Variants in DYNC1H1 observed in about 807,000 individuals in gnomAD.
The protein encoded by DYNC1H1 is dynein cytoplasmic 1 heavy chain 1, also known as cytoplasmic dynein 1 heavy chain 1.
Under a neutral mutation model 527.1 loss-of-function variants are expected in DYNC1H1, and 51 were observed. That is an observed-to-expected ratio of 0.10 (90% CI 0.08 to 0.12). The LOEUF is 0.12. DYNC1H1 is among the 10% of genes least tolerant of loss of function. The pLI is 1.00. For missense variants in DYNC1H1, 2,771 were observed against 5,971.8 expected (o/e 0.46, Z 17.66); for synonymous variants, 2,189 against 2,278.8 (o/e 0.96, Z 1.12).
Position 101,988,668 on chromosome 14 carries a change from A to G in DYNC1H1, c.2719-35A>G. 3 of 1,613,976 alleles carry G rather than the reference A, an allele frequency of 1.9e-6. No homozygotes were observed. In the South Asian group the frequency reaches 3.3e-5, roughly 18 times the overall value. On this transcript the variant is annotated intron_variant, in intron 9 of 77. Coordinates refer to ENST00000360184, the MANE Select transcript of DYNC1H1 (RefSeq NM_001376.5). ...CTTGCTTTGTGAGCTAACTTTTAGAAGAAACACTGTTCTCTGATATAACGT... is the reference window on the plus strand; with the variant it reads ...CTTGCTTTGTGAGCTAACTTTTAGAGGAAACACTGTTCTCTGATATAACGT...
chr14:101,970,310 T>C (rs1318861561), intron 1 of DYNC1H1, among the ~76,000 whole-genome samples: 2 of 151,654 alleles, frequency 1.3e-5, no homozygotes, highest in Non-Finnish European at 2.9e-5. Flanking sequence ...AAAGAAGTCA[T>C]GGCCCCTCAG....
At chr14:101,973,390 CTT>C (rs2047761964) in intron 1 of DYNC1H1, among the ~76,000 whole-genome samples, 1 of 152,016 alleles carries the variant, frequency 6.6e-6, no homozygotes. Flanking sequence ...GAACTCCTGA[CTT>C]GAAGTGATCT....
At chr14:101,996,079 T>C (rs1361653684) in intron 15 of DYNC1H1, among the ~76,000 whole-genome samples, 1 of 151,538 alleles carries the variant, frequency 6.6e-6, no homozygotes, top group East Asian at 1.9e-4. Flanking sequence ...ACTAAATAAA[T>C]AATGAAAAAC....
chr14:102,032,675 C>T, intron 52 of DYNC1H1: 1 of 654,236 alleles, frequency 1.5e-6, no homozygotes, highest in South Asian at 1.8e-5. Flanking sequence ...TACATGGCGA[C>T]ACCCTGTCTC....
rs1442792138 is a variant in DYNC1H1, at chr14:102,015,204, G to A, written c.7114G>A (p.Asp2372Asn). The change falls in exon 35 of 78, where the codon GAC becomes AAC. Residue 2372 changes from aspartate to asparagine, a missense_variant. Physicochemically the swap from Asp to Asn is conservative, Grantham distance 23. This residue lies in a region of DYNC1H1 where 122 missense variants were observed against 168.4 expected (regional missense o/e 0.72). Transcript: ENST00000360184. The surrounding 1 kb of genome is among the most constrained non-coding windows in gnomAD (Gnocchi z 6.9). ...VWFSEDVLST[D>N]MIFNNFLARL... Reference sequence around the variant, plus strand: ...GTTCAGTGAGGATGTGCTGAGCACCGACATGATCTTCAACAACTTCCTGGC... The same window carrying A: ...GTTCAGTGAGGATGTGCTGAGCACCAACATGATCTTCAACAACTTCCTGGC... The A allele has an allele frequency of 6.2e-7, 1 of 1,614,206 alleles. No individual in the cohort carries two copies. Among genetic ancestry groups the A allele is most frequent in the Non-Finnish European group, 8.5e-7 (1 of 1,180,042 alleles).
rs17512439 is a variant in DYNC1H1 at position 102,015,227 on chromosome 14, G to A, written c.7137G>A (p.Leu2379=). ...CCGACATGATCTTCAACAACTTCCT[G>A]GCCAGGCTGCGCAGCATCCCGCTGG... ...LSTDMIFNNF[L]ARLRSIPLDE... The change falls in exon 35 of 78, where the codon CTG becomes CTA. Residue 2379 remains leucine, a synonymous_variant. Transcript: ENST00000360184. The surrounding 1 kb of genome is among the most constrained non-coding windows in gnomAD (Gnocchi z 6.9). The A allele has an allele frequency of 1.6e-3, 2,575 of 1,614,210 alleles. 43 individuals are homozygous for A. The African/African-American group carries it at 0.03, about 19-fold the overall frequency.
In DYNC1H1 at chr14:102,011,027, G is replaced by A. The variant is rs372965241; in HGVS notation, c.6618+75G>A. 1 of 1,512,712 alleles carries A rather than the reference G, an allele frequency of 6.6e-7. No homozygotes were observed. Among genetic ancestry groups the A allele is most frequent in the East Asian group, 2.3e-5 (1 of 44,388 alleles). The allele number at this position is 1,512,712 out of a possible 1,614,324, so 93.7% of individuals were successfully genotyped here. A position where few individuals can be genotyped will look rare whatever the true frequency, so the allele number is the denominator to read the frequency against. ...TTAGTGTCTGGTAATGACAACCGTG[G>A]GCCCTTCGATGAAACTGTCCACAAA... On this transcript the variant is annotated intron_variant, in intron 32 of 77. Coordinates refer to ENST00000360184, the MANE Select transcript of DYNC1H1 (RefSeq NM_001376.5). This position sits in a 1 kb window ranked among gnomAD's most constrained non-coding sequence, Gnocchi z 5.3.
chr14:102,009,468 C>T, intron 29 of DYNC1H1: 3 of 267,384 alleles, frequency 1.1e-5, no homozygotes, highest in South Asian at 8.4e-5. Flanking sequence ...CAGGTAATTC[C>T]CATGATGTAA....
chr14:102,041,519 G>C lies in DYNC1H1; in HGVS notation c.11942-55G>C. ...GGGAAGAACAGTCCAGGCAGGGGAG[G>C]GCGTCTCTGAGTCCATGCTTCCACC... On this transcript the variant is annotated intron_variant, in intron 64 of 77. Transcript: ENST00000360184. The surrounding 1 kb of genome is among the most constrained non-coding windows in gnomAD (Gnocchi z 4.5). 6.2e-7 allele frequency: 1 copy of C among 1,611,676 alleles called. No individual in the cohort carries two copies. Among genetic ancestry groups the C allele is most frequent in the Non-Finnish European group, 8.5e-7 (1 of 1,179,518 alleles).
rs2048304811 is a variant in DYNC1H1, at chr14:102,015,085, G to C, written c.7015-20G>C. ...CTTCCAAACCTATGTCATTAAATCT[G>C]CTTAATGTTTTCTTTCAAGGTGAGA... On this transcript the variant is annotated intron_variant, in intron 34 of 77. Coordinates refer to ENST00000360184, the MANE Select transcript of DYNC1H1 (RefSeq NM_001376.5). The surrounding 1 kb of genome is among the most constrained non-coding windows in gnomAD (Gnocchi z 6.9). The C allele has an allele frequency of 1.2e-6, 2 of 1,612,844 alleles. No individual in the cohort carries two copies. Among genetic ancestry groups the C allele is most frequent in the East Asian group, 4.5e-5 (2 of 44,880 alleles).
In DYNC1H1 at chr14:102,019,772, C is replaced by G. The variant is rs1846510833; in HGVS notation, c.8344-121C>G. The G allele has an allele frequency of 2.3e-6, 3 of 1,305,620 alleles. No homozygotes were observed. In the African/African-American group the frequency reaches 4.4e-5, roughly 19 times the overall value. 80.9% of individuals were successfully genotyped at this position (1,305,620 alleles called of 1,614,324 possible). On this transcript the variant is annotated intron_variant, in intron 41 of 77. Transcript: ENST00000360184. ...ACCCACCACCATGTCCAGCTATCTT[C>G]TTAAATATTTCAGGGTCTAGGTTCT...
In DYNC1H1 at chr14:102,050,843, G is replaced by C. The variant is rs2048799967; in HGVS notation, c.*280G>C. 1 of 431,708 alleles carries C rather than the reference G, an allele frequency of 2.3e-6. No individual in the cohort carries two copies. Among genetic ancestry groups the C allele is most frequent in the South Asian group, 2.1e-5 (1 of 47,728 alleles). The allele number at this position is 431,708 out of a possible 1,614,324, so 26.7% of individuals were successfully genotyped here. A position where few individuals can be genotyped will look rare whatever the true frequency, so the allele number is the denominator to read the frequency against. On this transcript the variant is annotated 3_prime_UTR_variant, in exon 78 of 78. Coordinates refer to ENST00000360184, the MANE Select transcript of DYNC1H1 (RefSeq NM_001376.5). ...CTTTCATCCCAGGGCACAGAGCCTT[G>C]CCTTCCATGCTGCCCAGGGAGGGCA...
chr14:102,042,147 A>G lies in DYNC1H1; in HGVS notation c.12214+23A>G. On this transcript the variant is annotated intron_variant, in intron 66 of 77. Coordinates refer to ENST00000360184, the MANE Select transcript of DYNC1H1 (RefSeq NM_001376.5). The surrounding 1 kb of genome is among the most constrained non-coding windows in gnomAD (Gnocchi z 5.7). Reference sequence around the variant, plus strand: ...TCGGTAAGGATGCTTGAGGGGCTTCATGGGCTGGAGCCCTGCAGGATTTGT... The same window carrying G: ...TCGGTAAGGATGCTTGAGGGGCTTCGTGGGCTGGAGCCCTGCAGGATTTGT... 6.2e-7 allele frequency: 1 copy of G among 1,614,048 alleles called. No homozygotes were observed. The highest frequency in any genetic ancestry group is 1.1e-5 in the South Asian group (1 of 91,074).
intron 4 of DYNC1H1, 77 bp from the exon 5 acceptor site, chr14:101,980,287 G>A: frequency 6.6e-7 from 1 of 1,525,716 alleles, no homozygotes; most frequent in Non-Finnish European, 9.1e-7. Context: ...GAGTTGTAAT[G>A]CATGTGTTTT....
At position 101,997,379 on chromosome 14, in the gene DYNC1H1, A is replaced by G. The variant is rs376121457; in HGVS notation, c.3804+105A>G. 65 of 1,564,712 alleles carry G rather than the reference A, an allele frequency of 4.2e-5. No homozygotes were observed. In the African/African-American group the frequency reaches 5.4e-4, roughly 13 times the overall value. On this transcript the variant is annotated intron_variant, in intron 16 of 77. Transcript: ENST00000360184. This position sits in a 1 kb window ranked among gnomAD's most constrained non-coding sequence, Gnocchi z 4.8. ...CCTTGCTGTGACTGAGCTTTCTAGT[A>G]TTGAAGACTCTTTTCCTTTTTGTAG...
At position 102,015,064 on chromosome 14, in the gene DYNC1H1, C is replaced by T; in HGVS notation, c.7015-41C>T. The T allele has an allele frequency of 6.2e-7, 1 of 1,604,352 alleles. No individual in the cohort carries two copies. The highest frequency in any genetic ancestry group is 1.1e-5 in the South Asian group (1 of 90,718). ...AGAATCTTAATGTCCAGGTTTCTTC[C>T]AAACCTATGTCATTAAATCTGCTTA... On this transcript the variant is annotated intron_variant, in intron 34 of 77. Transcript: ENST00000360184. The surrounding 1 kb of genome is among the most constrained non-coding windows in gnomAD (Gnocchi z 6.9).
At chr14:101,981,429 A>G (rs1266953440) in intron 5 of DYNC1H1, among the ~76,000 whole-genome samples, 1 of 152,214 alleles carries the variant, frequency 6.6e-6, no homozygotes, top group African/African-American at 2.4e-5. Context: ...AGTCATTATT[A>G]CAATTATTTT....
rs1472090216 is a variant in DYNC1H1, at chr14:101,985,097, T to C, written c.1462-590T>C. 6.6e-6 allele frequency among the ~76,000 whole-genome samples: 1 copy of C among 151,994 alleles called. No individual in the cohort carries two copies. The highest frequency in any genetic ancestry group is 1.5e-5 in the Non-Finnish European group (1 of 67,996). Reference sequence around the variant, plus strand: ...AAATCTTTAGTGTTTTCCATCCATTTATCCCTTCCTCCATCTTGGAAGGAC... The same window carrying C: ...AAATCTTTAGTGTTTTCCATCCATTCATCCCTTCCTCCATCTTGGAAGGAC... On this transcript the variant is annotated intron_variant, in intron 7 of 77. Transcript: ENST00000360184. The surrounding 1 kb of genome is among the most constrained non-coding windows in gnomAD (Gnocchi z 5.9).
chr14:102,048,268 C>T, intron 73 of DYNC1H1: 1 of 711,062 alleles, frequency 1.4e-6, no homozygotes, highest in Non-Finnish European at 2.3e-6. Flanking sequence ...CCACAGCGAG[C>T]AGCCGCAGCC....
Sources: allele counts gnomAD v4.1 joint callset (sites outside exome capture counted in the v4.1 genomes callset), GRCh38; gene constraint gnomAD v4.1.1; regional missense constraint gnomAD v4.1.1; non-coding constraint Gnocchi (gnomAD v3.1); transcripts MANE v1.5; gene names NCBI Gene and HGNC (gene_info 2026-07-23, HGNC 2026-07-21).